The following KDM3A variants were observed in gnomAD, a reference collection of about 807,000 sequenced individuals.
KDM3A encodes the protein lysine-specific demethylase 3A.
Under a neutral mutation model 158.0 loss-of-function variants are expected in KDM3A, and 60 were observed. That is an observed-to-expected ratio of 0.38 (90% confidence interval 0.31 to 0.47). The LOEUF (loss-of-function observed/expected upper bound fraction) is 0.47, where lower values mean the gene tolerates loss of function less well. KDM3A is among the 20% of genes least tolerant of loss of function. KDM3A has a pLI of 0.99. For synonymous variants in KDM3A, 608 were observed against 549.3 expected, an observed-to-expected ratio of 1.11 and a Z score of -1.49; for missense variants, 1,319 against 1,574.3, an observed-to-expected ratio of 0.84 and a Z score of 2.74.
intron 2 of KDM3A, among the ~76,000 whole-genome samples, chr2:86,448,083 T>G (rs1484136583): frequency 2.6e-5 from 4 of 152,238 alleles, no homozygotes; most frequent in Non-Finnish European, 5.9e-5. Context: ...GAAACGTATG[T>G]GGGCCTTGCC....
chr2:86,480,428 G>A, intron 16 of KDM3A, 66 bp downstream of exon 16: 3 of 1,379,950 alleles, frequency 2.2e-6, no homozygotes, highest in Non-Finnish European at 3.0e-6. Context: ...GGACTTGAGA[G>A]AACAGTGGTT....
intron 14 of KDM3A, 91 bp from the exon 15 acceptor site, chr2:86,478,517 C>G: frequency 7.1e-7 from 1 of 1,411,804 alleles, no homozygotes; most frequent in Non-Finnish European, 9.8e-7. Flanking sequence ...GAAAAGTAAT[C>G]CTGTGGGGAA....
chr2:86,474,663 C>CAAAAA, intron 11 of KDM3A, 113 bp from the exon 12 acceptor site: 1 of 424,452 alleles, frequency 2.4e-6, no homozygotes, highest in South Asian at 2.4e-5. Context: ...GACTCCATCC[C>CAAAAA]AAAAAAAAAA....
intron 2 of KDM3A, chr2:86,443,182 G>C (rs185810501): frequency 2.0e-5 from 3 of 152,330 alleles, no homozygotes; most frequent in South Asian, 4.1e-4. Flanking sequence ...CAGAACAGAA[G>C]ATATTTCCAC....
rs983556959 is a variant in KDM3A, at chr2:86,492,223, T to C, written c.*104T>C. ...TGTTACCTCATCTTCTTTTTTAAAC[T>C]GTACCCAACTTGTGAGGGTACTCTG... On this transcript the variant is annotated 3_prime_UTR_variant, in exon 26 of 26. Transcript: ENST00000312912. The C allele has an allele frequency of 7.4e-6, 6 of 805,718 alleles. No homozygotes were observed. In the African/African-American group the frequency reaches 8.5e-5, roughly 11 times the overall value. 49.9% of individuals were successfully genotyped at this position (805,718 alleles called of 1,614,324 possible).
chr2:86,491,227 A>G lies in KDM3A; in HGVS notation c.3837A>G (p.Glu1279=), dbSNP rs1674439700. 2 of 1,613,746 alleles carry G rather than the reference A, an allele frequency of 1.2e-6. No individual in the cohort carries two copies. The highest frequency in any genetic ancestry group is 2.7e-5 in the African/African-American group (2 of 74,910). Residue 1279 remains glutamate (E), a synonymous_variant, in exon 25 of 26, where the codon GAA becomes GAG. Coordinates refer to ENST00000312912, the MANE Select transcript of KDM3A (RefSeq NM_018433.6). ...AACACTGCTTCTGGCTTACTCAGGA[A>G]TTCCGATATCTGTCACAGACTCATA... ...HVKHCFWLTQ[E]FRYLSQTHTN...
chr2:86,491,523 A>AGT, intron 25 of KDM3A: 1 of 489,418 alleles, frequency 2.0e-6, no homozygotes, highest in Non-Finnish European at 3.7e-6. Context: ...GAAAGGCCTT[A>AGT]GTACTGAAAA....
At chr2:86,470,528 T>TG in intron 11 of KDM3A, 120 bp downstream of exon 11, 1 of 754,866 alleles carries the variant, frequency 1.3e-6, no homozygotes. Context: ...TGGTAGATGT[T>TG]GCATTTATAA....
At chr2:86,482,349 T>A in intron 17 of KDM3A, 109 bp from the exon 18 acceptor site, 2 of 1,525,376 alleles carry the variant, frequency 1.3e-6, no homozygotes, top group Non-Finnish European at 1.8e-6. Context: ...TGCCTGGGGG[T>A]CCTGGCTTGG....
intron 12 of KDM3A, among the ~76,000 whole-genome samples, chr2:86,475,917 T>C (rs1673638393): frequency 6.6e-6 from 1 of 152,224 alleles, no homozygotes; most frequent in South Asian, 2.1e-4. Context: ...TATATGTGGA[T>C]ACTGTCTCAG....
intron 4 of KDM3A, among the ~76,000 whole-genome samples, chr2:86,452,013 A>C (rs1023715409): frequency 2.6e-5 from 4 of 152,152 alleles, no homozygotes; most frequent in South Asian, 2.1e-4. Context: ...TGTAACCCCA[A>C]ATCAATACTT....
intron 5 of KDM3A, among the ~76,000 whole-genome samples, chr2:86,455,953 C>CAAAAAAAAAAAAAA (rs574299612): frequency 1.8e-5 from 1 of 56,190 alleles, no homozygotes. Flanking sequence ...GACCCTGTCT[C>CAAAAAAAAAAAAAA]AAAAAAAAAA....
At chr2:86,437,524 C>T (rs1433863336), upstream of KDM3A, among the ~76,000 whole-genome samples, 4 of 152,102 alleles carry the variant, frequency 2.6e-5, no homozygotes, top group African/African-American at 4.8e-5. Context: ...AGAAATATGT[C>T]GATCACAAAC....
intron 4 of KDM3A, among the ~76,000 whole-genome samples, chr2:86,452,565 TACAA>T (rs763858371): frequency 3.9e-5 from 6 of 152,148 alleles, no homozygotes; most frequent in Non-Finnish European, 8.8e-5. Flanking sequence ...CACACACGCA[TACAA>T]ACACACACAT....
intron 21 of KDM3A, among the ~76,000 whole-genome samples, chr2:86,486,654 C>A (rs73946206): frequency 0.067 from 10,248 of 152,184 alleles, 485 homozygotes; most frequent in East Asian, 0.14. Flanking sequence ...CCATTTCTAG[C>A]CTTAGACCTG....
chr2:86,439,178 G>T (rs34633268), upstream of KDM3A, among the ~76,000 whole-genome samples: 20,219 of 151,956 alleles, frequency 0.13, 1,469 homozygotes, highest in Middle Eastern at 0.16. Flanking sequence ...ATACTCTTAA[G>T]ATCACAAGTG....
intron 4 of KDM3A, among the ~76,000 whole-genome samples, chr2:86,453,278 G>C (rs758588982): frequency 6.6e-6 from 1 of 152,112 alleles, no homozygotes; most frequent in African/African-American, 2.4e-5. Flanking sequence ...GTGATGTTGA[G>C]TTTTCAAAGT....
chr2:86,458,253 C>T (rs1170888345), intron 8 of KDM3A, among the ~76,000 whole-genome samples: 2 of 152,158 alleles, frequency 1.3e-5, no homozygotes, highest in South Asian at 4.1e-4. Context: ...GGTTAATTGG[C>T]TTTCTTGAAT....
upstream of KDM3A, among the ~76,000 whole-genome samples, chr2:86,438,691 AAT>A (rs966352746): frequency 2.6e-5 from 4 of 152,206 alleles, no homozygotes; most frequent in South Asian, 2.1e-4. Context: ...AATTACAAAT[AAT>A]ATGTGTTGTC....
Sources: gnomAD v4.1 joint callset for allele counts (sites outside exome capture counted in the v4.1 genomes callset) on GRCh38, gnomAD v4.1.1 for gene constraint, MANE v1.5 for transcripts, NCBI Gene and HGNC (gene_info 2026-07-23, HGNC 2026-07-21) for gene names.